Variants in MYH2 observed in about 807,000 individuals in gnomAD.
MYH2 encodes the protein myosin-2.
MYH2 carries 139 observed loss-of-function variants against 228.1 expected under a neutral mutation model. The observed-to-expected ratio is 0.61, with a 90% confidence interval of 0.53 to 0.70. The LOEUF (loss-of-function observed/expected upper bound fraction) is 0.70, where lower values mean the gene tolerates loss of function less well. Ranked by LOEUF, MYH2 falls within the 30% of genes least tolerant of loss-of-function variation. The pLI is 0.00. For missense variants in MYH2, 1,809 were observed against 2,357.5 expected, an observed-to-expected ratio of 0.77 and a Z score of 4.82; for synonymous variants, 796 against 871.1, an observed-to-expected ratio of 0.91 and a Z score of 1.52.
intron 29 of MYH2, 68 bp downstream of exon 29, chr17:10,526,870 G>C: frequency 3.1e-6 from 5 of 1,613,668 alleles, no homozygotes; most frequent in Non-Finnish European, 8.5e-7. Flanking sequence ...CCTTTTGAAA[G>C]CTGGTATAAC....
intron 10 of MYH2, 70 bp from the exon 11 acceptor site, chr17:10,540,767 A>G: frequency 7.4e-7 from 1 of 1,345,526 alleles, no homozygotes; most frequent in Non-Finnish European, 1.1e-6. Flanking sequence ...TTTCTAGACA[A>G]ATTGTGAGGC....
chr17:10,523,257 T>A, intron 38 of MYH2, 51 bp downstream of exon 38: 1 of 1,609,206 alleles, frequency 6.2e-7, no homozygotes, highest in Non-Finnish European at 8.5e-7. Context: ...CATATGAGTA[T>A]TTCACATAAA....
chr17:10,542,881 G>T lies in MYH2; in HGVS notation c.898C>A (p.Leu300Ile). Residue 300 changes from leucine to isoleucine, a missense_variant, in exon 10 of 40, where the codon CTT becomes ATT. By Grantham distance (5) the Leu-to-Ile change is conservative. Around this residue, in one of 9 missense-constraint regions of MYH2, gnomAD observed 373 missense variants for 620.4 expected, o/e 0.60. Coordinates refer to ENST00000245503, the MANE Select transcript of MYH2 (RefSeq NM_017534.6). ...YQITSNKKPE[L>I]IEMLLITTNP... ...GAATTATGACATTTCTTACCAATAA[G>T]TTCTGGTTTCTTATTCGATGTAATC... is the stretch of plus-strand genomic sequence containing the variant. The T allele has an allele frequency of 6.3e-7, 1 of 1,593,702 alleles. No individual in the cohort carries two copies. Among genetic ancestry groups the T allele is most frequent in the East Asian group, 2.2e-5 (1 of 44,592 alleles).
chr17:10,528,693 G>A lies in MYH2; in HGVS notation c.3741C>T (p.Ala1247=). ...AATTTCCCAGAATTTGTAGTACCTT[G>A]GCTTTGGAGACCGTTTCTACATTAC... is the stretch of plus-strand genomic sequence containing the variant. The part of the protein sequence containing the change: ...LASNVETVSK[A]KGNLEKMCRT... Residue 1247 remains alanine, a synonymous_variant, in exon 27 of 40, where the codon GCC becomes GCT. Transcript: ENST00000245503. 1.2e-6 allele frequency: 2 copies of A among 1,613,948 alleles called. No individual in the cohort carries two copies. The highest frequency in any genetic ancestry group is 1.7e-6 in the Non-Finnish European group (2 of 1,179,908).
In MYH2 at chr17:10,542,826, G is replaced by C. The variant is rs1452823954; in HGVS notation, c.904+49C>G. On this transcript the variant is annotated intron_variant, in intron 10 of 39. Transcript: ENST00000245503. Reference sequence around the variant, plus strand: ...AGAATACTAGGTTGGACTGTGCATTGATAGGTACTGATGCAGTAATTCTGG... The same window carrying C: ...AGAATACTAGGTTGGACTGTGCATTCATAGGTACTGATGCAGTAATTCTGG... The C allele has an allele frequency of 3.9e-6, 5 of 1,280,096 alleles. No individual in the cohort carries two copies. In the South Asian group the frequency reaches 4.9e-5, roughly 13 times the overall value. The allele number at this position is 1,280,096 out of a possible 1,614,324, so 79.3% of individuals were successfully genotyped here.
Position 10,539,540 on chromosome 17 carries a change from G to A in MYH2, c.1170C>T (p.Leu390=), listed in dbSNP as rs750670388. 3.1e-6 allele frequency: 5 copies of A among 1,613,974 alleles called. No individual in the cohort carries two copies. The South Asian group carries it at 4.4e-5, about 14-fold the overall frequency. The change falls in exon 13 of 40, where the codon CTC becomes CTT. Residue 390 remains leucine, a synonymous_variant. Coordinates refer to ENST00000245503, the MANE Select transcript of MYH2 (RefSeq NM_017534.6). ...GCAGATCTGCAGAGTTCAGACTCTG[G>A]AGGTAGGCCGCCTTGTCAGCAACTA... ...GTEVADKAAY[L]QSLNSADLLK...
At chr17:10,530,539 T>G (rs1368247624) in intron 22 of MYH2, among the ~76,000 whole-genome samples, 2 of 151,996 alleles carry the variant, frequency 1.3e-5, no homozygotes, top group African/African-American at 4.8e-5. Context: ...ACTGATTTTT[T>G]TTTTTTGTAG....
Position 10,539,291 on chromosome 17 carries a change from C to T in MYH2, c.1330G>A (p.Ala444Thr). 1 of 1,614,210 alleles carries T rather than the reference C, an allele frequency of 6.2e-7. No homozygotes were observed. The highest frequency in any genetic ancestry group is 8.5e-7 in the Non-Finnish European group (1 of 1,180,046). Reference sequence around the variant, plus strand: ...GTGTCCAGCTGCTGGTTGATGCGGGCAACCATCCACAGGAACATCTTCTCG... The same window carrying T: ...GTGTCCAGCTGCTGGTTGATGCGGGTAACCATCCACAGGAACATCTTCTCG... ...VYEKMFLWMV[A>T]RINQQLDTKQ... The change falls in exon 14 of 40, where the codon GCC becomes ACC. Residue 444 changes from alanine (A) to threonine (T), a missense_variant. By Grantham distance (58) the Ala-to-Thr change is moderately conservative (BLOSUM62 0). This residue lies in a region of MYH2 where 373 missense variants were observed against 620.4 expected (regional missense o/e 0.60). Transcript: ENST00000245503.
In MYH2 at chr17:10,549,414, A is replaced by G. The variant is rs886052575; in HGVS notation, c.-60T>C. The G allele has an allele frequency of 2.6e-5, 4 of 152,720 alleles. No homozygotes were observed. The highest frequency in any genetic ancestry group is 4.4e-5 in the Non-Finnish European group (3 of 68,076). The allele number at this position is 152,720 out of a possible 1,614,324, so 9.5% of individuals were successfully genotyped here. On this transcript the variant is annotated 5_prime_UTR_variant, in exon 2 of 40. Transcript: ENST00000245503. ...AGAAGATGTAGCCTGGGAGTGAGAC[A>G]GTTCTATAAAAGAAAAGGGAAAAGC...
chr17:10,540,862 A>T (rs759947335), intron 10 of MYH2, among the ~76,000 whole-genome samples, 165 bp from the exon 11 acceptor site: 5 of 152,246 alleles, frequency 3.3e-5, no homozygotes, highest in African/African-American at 1.2e-4. Context: ...TGAAGATTTC[A>T]TGGACATTTA....
At chr17:10,535,252 T>G in intron 18 of MYH2, 26 bp downstream of exon 18, 1 of 1,613,986 alleles carries the variant, frequency 6.2e-7, no homozygotes, top group East Asian at 2.2e-5. Flanking sequence ...AGTCATCCTT[T>G]GCACTTTCAT....
Position 10,540,628 on chromosome 17 carries a change from C to G in MYH2, c.974G>C (p.Ser325Thr), listed in dbSNP as rs1325019725. 1 of 1,613,628 alleles carries G rather than the reference C, an allele frequency of 6.2e-7. No homozygotes were observed. Among genetic ancestry groups the G allele is most frequent in the African/African-American group, 1.3e-5 (1 of 74,918 alleles). Residue 325 changes from serine (S) to threonine (T), a missense_variant, in exon 11 of 40, where the codon AGC (serine) becomes ACC (threonine). By Grantham distance (58) the Ser-to-Thr change is moderately conservative. Transcript: ENST00000245503. ...FVSQGEISVASIDDQEELMAT... is the reference protein window; with the variant it reads ...FVSQGEISVATIDDQEELMAT... ...CATCAGTTCTTCCTGATCATCGATGCTGGCCACACTGATCTCCCCTTGACT... is the reference window on the plus strand; with the variant it reads ...CATCAGTTCTTCCTGATCATCGATGGTGGCCACACTGATCTCCCCTTGACT...
At chr17:10,528,161 A>C (rs758162745) in intron 27 of MYH2, among the ~76,000 whole-genome samples, 1 of 150,254 alleles carries the variant, frequency 6.7e-6, no homozygotes, top group East Asian at 2.0e-4. Context: ...CTCCTGCCTC[A>C]GCCTCCTGAA....
intron 22 of MYH2, 105 bp downstream of exon 22, chr17:10,531,528 C>T: frequency 4.0e-6 from 6 of 1,509,654 alleles, no homozygotes; most frequent in East Asian, 4.5e-5. Context: ...CCTTTTCCTT[C>T]CAATGAGTGT....
At chr17:10,542,163 C>T (rs1334684088) in intron 10 of MYH2, among the ~76,000 whole-genome samples, 1 of 152,134 alleles carries the variant, frequency 6.6e-6, no homozygotes, top group Non-Finnish European at 1.5e-5. Context: ...ATCCCAGCTA[C>T]TTGGGAGGCT....
In MYH2 at chr17:10,522,100, T is replaced by C. The variant is rs568299876; in HGVS notation, c.5674-668A>G. 2.6e-5 allele frequency among the ~76,000 whole-genome samples: 4 copies of C among 152,308 alleles called. No individual in the cohort carries two copies. In the South Asian group the frequency reaches 6.2e-4, roughly 24 times the overall value. On this transcript the variant is annotated intron_variant, in intron 39 of 39. Coordinates refer to ENST00000245503, the MANE Select transcript of MYH2 (RefSeq NM_017534.6). ...GTCCTCTCTTGGGCAGGTTTTGGTA[T>C]GAGGGTTATGTGAGCTTCTTAAAAT...
At position 10,538,437 on chromosome 17, in the gene MYH2, C is replaced by G. The variant is rs911586549; in HGVS notation, c.1417-602G>C. ...TGGGCGGATCACGAGGTCAGAAGAT[C>G]GAGACCATTCTGGCTAACATGGTGA... is the stretch of plus-strand genomic sequence containing the variant. On this transcript the variant is annotated intron_variant, in intron 14 of 39. Coordinates refer to ENST00000245503, the MANE Select transcript of MYH2 (RefSeq NM_017534.6). 2.0e-5 allele frequency among the ~76,000 whole-genome samples: 3 copies of G among 152,020 alleles called. No homozygotes were observed. The South Asian group carries it at 6.2e-4, about 32-fold the overall frequency.
Position 10,527,800 on chromosome 17 carries a change from C to T in MYH2, c.3819G>A (p.Gln1273=), listed in dbSNP as rs1252723026. The part of the protein sequence containing the change: ...SELKSKEEEQ[Q]RLINDLTAQR... ...GCGCAGTCAGGTCATTGATCAGCCG[C>T]TGCTGCTCCTCTTCCTTTGATTTCA... Residue 1273 remains glutamine (Q), a synonymous_variant, in exon 28 of 40, where the codon CAG becomes CAA. Coordinates refer to ENST00000245503, the MANE Select transcript of MYH2 (RefSeq NM_017534.6). 1.9e-6 allele frequency: 3 copies of T among 1,614,138 alleles called. No individual in the cohort carries two copies. Among genetic ancestry groups the T allele is most frequent in the Non-Finnish European group, 2.5e-6 (3 of 1,180,042 alleles).
At chr17:10,530,741 T>C (rs2073414728) in intron 22 of MYH2, among the ~76,000 whole-genome samples, 2 of 152,182 alleles carry the variant, frequency 1.3e-5, no homozygotes, top group Admixed American at 6.5e-5. Context: ...TGCAGGGTGC[T>C]ATGTATAACT....
Sources: gnomAD v4.1 joint callset for allele counts (sites outside exome capture counted in the v4.1 genomes callset) on GRCh38, gnomAD v4.1.1 for gene constraint, gnomAD v4.1.1 regional missense constraint, MANE v1.5 for transcripts, NCBI Gene and HGNC (gene_info 2026-07-23, HGNC 2026-07-21) for gene names.